Variants in PIAS4 observed in about 807,000 individuals in gnomAD.
PIAS4 encodes protein inhibitor of activated STAT 4.
In PIAS4, 7 loss-of-function variants were observed where a neutral mutation model predicts 58.0. The observed-to-expected ratio is 0.12, with a 90% CI of 0.07 to 0.23. PIAS4 has a LOEUF of 0.23. PIAS4 is among the 10% of genes least tolerant of loss of function. PIAS4 has a pLI of 1.00. For synonymous variants in PIAS4, 364 were observed against 312.4 expected (o/e 1.17, Z -1.74); for missense variants, 550 against 709.5 (o/e 0.78, Z 2.55).
rs752968126 is a variant in PIAS4 at position 4,028,999 on chromosome 19, C to G, written c.870C>G (p.Thr290=). 3 of 1,610,128 alleles carry G rather than the reference C, an allele frequency of 1.9e-6. No individual in the cohort carries two copies. The highest frequency in any genetic ancestry group is 3.4e-5 in the Admixed American group (2 of 59,618). ...CGGAGCTGCTGCAGAGGCTGAAGAC[C>G]ATTGGGGTAAAGCACCCGGAGCTGT... ...TSSELLQRLK[T]IGVKHPELCK... The change falls in exon 7 of 11, where the codon ACC becomes ACG. Residue 290 remains threonine, a synonymous_variant. Coordinates refer to ENST00000262971, the MANE Select transcript of PIAS4 (RefSeq NM_015897.4).
At chr19:4,015,294 C>T (rs890866715) in intron 2 of PIAS4, among the ~76,000 whole-genome samples, 16 of 152,148 alleles carry the variant, frequency 1.1e-4, no homozygotes, top group East Asian at 1.9e-4. Flanking sequence ...GGGCGGGGGA[C>T]GGGGCTGACC....
intron 2 of PIAS4, among the ~76,000 whole-genome samples, chr19:4,019,829 G>A (rs1046676802): frequency 2.0e-5 from 3 of 152,268 alleles, no homozygotes; most frequent in East Asian, 3.9e-4. Flanking sequence ...ACCGGTCCCC[G>A]AAGAAACAGG....
intron 7 of PIAS4, among the ~76,000 whole-genome samples, chr19:4,030,142 T>G (rs1231868972): frequency 1.3e-5 from 2 of 150,172 alleles, no homozygotes; most frequent in Non-Finnish European, 3.0e-5. Context: ...TTTTAATGTT[T>G]CGTAGAGATG....
In PIAS4 at chr19:4,037,439, CGTG is replaced by C; in HGVS notation, c.1212_1214del (p.Trp404del). Reference sequence around the variant, plus strand: ...GAGATCGAGTACCTGGTGGACGGCTCGTGGTGCCCGATCCGCGCCGAAAAGGAG... The same window carrying C: ...GAGATCGAGTACCTGGTGGACGGCTCGTGCCCGATCCGCGCCGAAAAGGAG... On this transcript the variant is annotated inframe_deletion, in exon 10 of 11. Coordinates refer to ENST00000262971, the MANE Select transcript of PIAS4 (RefSeq NM_015897.4). This position sits in a 1 kb window ranked among gnomAD's most constrained non-coding sequence, Gnocchi z 5.8. 6.2e-7 allele frequency: 1 copy of C among 1,611,634 alleles called. No homozygotes were observed. Among genetic ancestry groups the C allele is most frequent in the Non-Finnish European group, 8.5e-7 (1 of 1,179,438 alleles).
chr19:4,024,417 C>T (rs898618607), intron 3 of PIAS4, among the ~76,000 whole-genome samples: 3 of 152,198 alleles, frequency 2.0e-5, no homozygotes, highest in East Asian at 1.9e-4. Flanking sequence ...TTGCAGGGAG[C>T]GGAGGAGCAT....
At chr19:4,032,109 G>T (rs564407043) in intron 7 of PIAS4, among the ~76,000 whole-genome samples, 6 of 152,300 alleles carry the variant, frequency 3.9e-5, no homozygotes, top group African/African-American at 1.4e-4. Context: ...CAGGAAGGAG[G>T]AAGTGGCTCC....
At chr19:4,026,093 A>AAAAG (rs2040161292) in intron 3 of PIAS4, among the ~76,000 whole-genome samples, 1 of 134,144 alleles carries the variant, frequency 7.5e-6, no homozygotes, top group African/African-American at 2.7e-5. Context: ...AAAAAAAAAA[A>AAAAG]GTTTGGTTTT....
chr19:4,029,330 C>T (rs1342219945), intron 7 of PIAS4, among the ~76,000 whole-genome samples: 2 of 152,166 alleles, frequency 1.3e-5, no homozygotes, highest in African/African-American at 4.8e-5. Flanking sequence ...GAGCTGGAGC[C>T]TCATTCCGGG....
chr19:4,012,925 C>T lies in PIAS4; in HGVS notation c.30C>T (p.Asn10=). ...TGTGTGTGCTTGCTCCTCCTCAGAA[C>T]ATGGTGATGAGTTTTCGAGTCTCCG... MAAELVEAK[N]MVMSFRVSDL... is the part of the protein sequence containing the mutation. The change falls in exon 2 of 11, where the codon AAC becomes AAT. Residue 10 remains asparagine (N), a splice_region_variant and synonymous_variant. Transcript: ENST00000262971. The T allele has an allele frequency of 6.2e-7, 1 of 1,611,022 alleles. No individual in the cohort carries two copies. The highest frequency in any genetic ancestry group is 2.2e-5 in the East Asian group (1 of 44,784).
chr19:4,036,067 ACT>A (rs1164030379), intron 9 of PIAS4, among the ~76,000 whole-genome samples: 1 of 88,804 alleles, frequency 1.1e-5, no homozygotes, highest in African/African-American at 3.5e-5. Flanking sequence ...TACAGTCCAC[ACT>A]GTCACACATC....
rs201142064 is a variant in PIAS4 at position 4,013,327 on chromosome 19, G to A, written c.432G>A (p.Glu144=). Residue 144 remains glutamate (E), a synonymous_variant, in exon 2 of 11, where the codon GAG becomes GAA. Transcript: ENST00000262971. The surrounding 1 kb of genome is among the most constrained non-coding windows in gnomAD (Gnocchi z 5.1). The part of the protein sequence containing the change: ...VKLPFFNMLD[E]LLKPTELVPQ... Reference sequence around the variant, plus strand: ...TGCCGTTCTTTAATATGCTGGATGAGCTGCTGAAGCCCACCGAATTAGGTG... The same window carrying A: ...TGCCGTTCTTTAATATGCTGGATGAACTGCTGAAGCCCACCGAATTAGGTG... 88 of 1,612,870 alleles carry A rather than the reference G, an allele frequency of 5.5e-5. No homozygotes were observed. The East Asian group carries it at 5.6e-4, about 10-fold the overall frequency.
At chr19:4,024,196 G>A (rs963209454) in intron 3 of PIAS4, 76 bp downstream of exon 3, 38 of 1,009,230 alleles carry the variant, frequency 3.8e-5, no homozygotes, top group Non-Finnish European at 4.4e-5. Flanking sequence ...GGGGAGAGCC[G>A]GCAGCCACGT....
At chr19:4,016,307 G>A (rs1332111853) in intron 2 of PIAS4, among the ~76,000 whole-genome samples, 14 of 152,236 alleles carry the variant, frequency 9.2e-5, no homozygotes, top group Admixed American at 8.5e-4. Flanking sequence ...GGCCCGCAGC[G>A]GGCACCCCGA....
chr19:4,007,873 C>T (rs1423512364), intron 1 of PIAS4, 86 bp downstream of exon 1: 3 of 1,060,974 alleles, frequency 2.8e-6, no homozygotes, highest in Admixed American at 9.1e-5. Flanking sequence ...GCCTTCTGTC[C>T]GGGGCCCCAC....
intron 2 of PIAS4, among the ~76,000 whole-genome samples, chr19:4,020,529 A>G (rs72976945): frequency 0.017 from 2,566 of 152,304 alleles, 37 homozygotes; most frequent in Non-Finnish European, 0.028. Context: ...TTTTACACTT[A>G]TAAACAAATA....
intron 8 of PIAS4, 73 bp downstream of exon 8, chr19:4,033,246 G>C (rs749449): frequency 0.74 from 1,116,710 of 1,499,592 alleles, 426,992 homozygotes; most frequent in East Asian, 0.94. Context: ...CCCTGGGCCC[G>C]GGGCGGCTTG....
At chr19:4,031,468 A>C (rs931922776) in intron 7 of PIAS4, among the ~76,000 whole-genome samples, 21 of 152,064 alleles carry the variant, frequency 1.4e-4, no homozygotes, top group Admixed American at 1.4e-3. Context: ...CAGAGTGGCA[A>C]AGTTAGGGTT....
At chr19:4,020,751 C>T (rs1599221479) in intron 2 of PIAS4, among the ~76,000 whole-genome samples, 2 of 152,272 alleles carry the variant, frequency 1.3e-5, no homozygotes, top group Admixed American at 1.3e-4. Context: ...CACACCAGCA[C>T]ACCTGGCTCA....
intron 4 of PIAS4, 92 bp downstream of exon 4, chr19:4,028,279 TC>T: frequency 2.0e-6 from 2 of 991,276 alleles, no homozygotes; most frequent in Admixed American, 4.4e-5. Context: ...CTTCTCAGTC[TC>T]CCCTGCTAAC....
Sources: allele counts gnomAD v4.1 joint callset (sites outside exome capture counted in the v4.1 genomes callset), GRCh38; gene constraint gnomAD v4.1.1; non-coding constraint Gnocchi (gnomAD v3.1); transcripts MANE v1.5; gene names NCBI Gene and HGNC (gene_info 2026-07-23, HGNC 2026-07-21).